Variants in SETDB2 observed in about 807,000 individuals in gnomAD.
The protein encoded by SETDB2 is histone-lysine N-methyltransferase SETDB2.
A neutral mutation model predicts 82.5 loss-of-function variants in SETDB2; 56 were observed. The observed-to-expected ratio is 0.68, with a 90% CI of 0.55 to 0.85. SETDB2 has a LOEUF of 0.85. SETDB2 is among the 40% of genes least tolerant of loss of function. The pLI, the probability that SETDB2 is intolerant of heterozygous loss-of-function variation, is 0.00. For missense variants in SETDB2, 677 were observed against 816.4 expected, an observed-to-expected ratio of 0.83 and a Z score of 2.08; for synonymous variants, 272 against 284.9, an observed-to-expected ratio of 0.95 and a Z score of 0.46.
chr13:49,460,335 G>T, intron 3 of SETDB2, 103 bp downstream of exon 3: 1 of 1,188,026 alleles, frequency 8.4e-7, no homozygotes. Flanking sequence ...AAAGTAGATG[G>T]ATGTAATTAC....
intron 5 of SETDB2, among the ~76,000 whole-genome samples, chr13:49,470,966 C>CTTTCTTTCTTTTTTTTTTTTTTTTTTT (rs10695231): frequency 3.7e-5 from 3 of 80,486 alleles, no homozygotes; most frequent in Admixed American, 1.6e-4. Flanking sequence ...TTCTTTCTTT[C>CTTTCTTTCTTTTTTTTTTTTTTTTTTT]TTTTTTTTTT....
At chr13:49,449,510 C>G (rs1038699927) in intron 1 of SETDB2, among the ~76,000 whole-genome samples, 2 of 152,174 alleles carry the variant, frequency 1.3e-5, no homozygotes, top group Non-Finnish European at 2.9e-5. Context: ...CTCAGCCTCC[C>G]AAAGCGCTGG....
At chr13:49,448,165 ATG>A (rs1469752337) in intron 1 of SETDB2, among the ~76,000 whole-genome samples, 3 of 152,122 alleles carry the variant, frequency 2.0e-5, no homozygotes, top group Non-Finnish European at 4.4e-5. Flanking sequence ...AGGGGTGGGG[ATG>A]TGTGGCACAC....
At chr13:49,449,721 C>T (rs1310617680) in intron 1 of SETDB2, among the ~76,000 whole-genome samples, 2 of 152,148 alleles carry the variant, frequency 1.3e-5, no homozygotes, top group Non-Finnish European at 2.9e-5. Context: ...ACAATCCCTT[C>T]CATCTCTCCT....
intron 5 of SETDB2, among the ~76,000 whole-genome samples, chr13:49,474,223 C>T (rs766429232): frequency 3.0e-4 from 45 of 152,236 alleles, no homozygotes; most frequent in Admixed American, 5.2e-4. Context: ...GGTCATGCCA[C>T]TGCACTCCAG....
rs145313678 is a variant in SETDB2, at chr13:49,452,027, G to A, written c.16+118G>A. ...TTGCGAGGAACTTTTCTGAATTAGA[G>A]GGAATTAAGGGTTTATTCTTGTATA... On this transcript the variant is annotated intron_variant, in intron 2 of 13. Transcript: ENST00000611815. 1.9e-4 allele frequency: 118 copies of A among 612,010 alleles called. No homozygotes were observed. In the African/African-American group the frequency reaches 2.1e-3, roughly 11 times the overall value. 37.9% of individuals were successfully genotyped at this position (612,010 alleles called of 1,614,324 possible).
intron 4 of SETDB2, among the ~76,000 whole-genome samples, chr13:49,463,392 T>C (rs1958037083): frequency 1.3e-5 from 2 of 152,194 alleles, no homozygotes; most frequent in South Asian, 4.1e-4. Flanking sequence ...AGGATCTTTA[T>C]TGAGTGCACT....
At chr13:49,490,309 G>T (rs1958687369) in intron 12 of SETDB2, among the ~76,000 whole-genome samples, 1 of 141,540 alleles carries the variant, frequency 7.1e-6, no homozygotes, top group African/African-American at 2.6e-5. Flanking sequence ...AAAATCTTGT[G>T]GCAATTCCAT....
intron 5 of SETDB2, among the ~76,000 whole-genome samples, chr13:49,471,420 C>CTT (rs200346844): frequency 0.028 from 3,745 of 132,724 alleles, 190 homozygotes; most frequent in African/African-American, 0.099. Flanking sequence ...TCTGAATTCC[C>CTT]TTTTTTTTTT....
At chr13:49,490,683 G>A (rs890781417) in intron 12 of SETDB2, 139 bp from the exon 13 acceptor site, 5 of 556,328 alleles carry the variant, frequency 9.0e-6, no homozygotes, top group Non-Finnish European at 9.2e-6. Flanking sequence ...ATTAACAGGA[G>A]CTGTGATAAT....
intron 5 of SETDB2, among the ~76,000 whole-genome samples, chr13:49,471,777 A>G (rs1384907248): frequency 6.6e-6 from 1 of 151,826 alleles, no homozygotes; most frequent in South Asian, 2.1e-4. Context: ...TTAAAAGTCA[A>G]TACCTAAGGT....
chr13:49,475,125 C>CAAG (rs1464075060), intron 5 of SETDB2, among the ~76,000 whole-genome samples: 17 of 152,172 alleles, frequency 1.1e-4, no homozygotes, highest in Admixed American at 1.1e-3. Flanking sequence ...AGAAGGCAAG[C>CAAG]AAGAGCAAGT....
chr13:49,481,122 G>A lies in SETDB2; in HGVS notation c.1156+6G>A, dbSNP rs1958467785. On this transcript the variant is annotated splice_donor_region_variant and intron_variant, in intron 8 of 13. Transcript: ENST00000611815. ...ATTTGTTTGCATTTATTCAGGTAAAGCAAAAGTTTATTTTCAAATTATTCT... is the reference window on the plus strand; with the variant it reads ...ATTTGTTTGCATTTATTCAGGTAAAACAAAAGTTTATTTTCAAATTATTCT... 1 of 1,606,082 alleles carries A rather than the reference G, an allele frequency of 6.2e-7. No homozygotes were observed. Among genetic ancestry groups the A allele is most frequent in the African/African-American group, 1.3e-5 (1 of 74,558 alleles).
rs1332980386 is a variant in SETDB2, at chr13:49,451,730, C to G, written c.-164C>G. 7.1e-6 allele frequency: 3 copies of G among 425,440 alleles called. No individual in the cohort carries two copies. The East Asian group carries it at 1.1e-4, about 16-fold the overall frequency. The allele number at this position is 425,440 out of a possible 1,614,324, so 26.4% of individuals were successfully genotyped here. On this transcript the variant is annotated 5_prime_UTR_variant, in exon 2 of 14. Transcript: ENST00000611815. ...CAGCCACAATTTCTATTTGAAAATTCAAGTATCAAAGGATACCAGGTTTAG... is the reference window on the plus strand; with the variant it reads ...CAGCCACAATTTCTATTTGAAAATTGAAGTATCAAAGGATACCAGGTTTAG...
Position 49,492,463 on chromosome 13 carries a change from C to G in SETDB2, c.*614C>G, listed in dbSNP as rs550468587. ...TCTGTAAGTAAGATTCTGGCAAGCT[C>G]TTTGAAATGAGTCTTCTTTCCCACA... On this transcript the variant is annotated 3_prime_UTR_variant, in exon 14 of 14. Transcript: ENST00000611815. The G allele has an allele frequency of 1.3e-5, 2 of 152,662 alleles. No individual in the cohort carries two copies. Among genetic ancestry groups the G allele is most frequent in the East Asian group, 3.9e-4 (2 of 5,194 alleles). 9.5% of individuals were successfully genotyped at this position (152,662 alleles called of 1,614,324 possible).
chr13:49,489,560 G>A (rs1349293480), intron 12 of SETDB2, among the ~76,000 whole-genome samples: 4 of 143,262 alleles, frequency 2.8e-5, no homozygotes, highest in Non-Finnish European at 4.5e-5. Context: ...CCCATGCCCC[G>A]ACTCCACCTT....
chr13:49,446,317 A>C, intron 1 of SETDB2: 1 of 453,374 alleles, frequency 2.2e-6, no homozygotes, highest in South Asian at 1.6e-5. Context: ...TTATAAAAAC[A>C]GTTGAATAGC....
At chr13:49,468,348 T>G (rs9316454) in intron 5 of SETDB2, among the ~76,000 whole-genome samples, 70,364 of 151,876 alleles carry the variant, frequency 0.46, 17,002 homozygotes, top group Middle Eastern at 0.54. Context: ...AGCTCTTAAG[T>G]AGTGTCTAAA....
chr13:49,468,910 G>T (rs977809305), intron 5 of SETDB2, among the ~76,000 whole-genome samples: 1 of 151,808 alleles, frequency 6.6e-6, no homozygotes, highest in Non-Finnish European at 1.5e-5. Flanking sequence ...TGAATATACA[G>T]TGTAAAATTT....
Sources: gnomAD v4.1 joint callset for allele counts (sites outside exome capture counted in the v4.1 genomes callset) on GRCh38, gnomAD v4.1.1 for gene constraint, MANE v1.5 for transcripts, NCBI Gene and HGNC (gene_info 2026-07-23, HGNC 2026-07-21) for gene names.